Variants in SDCCAG8 observed in about 807,000 individuals in gnomAD.
SDCCAG8 encodes SHH signaling and ciliogenesis regulator SDCCAG8.
SDCCAG8 carries 74 observed loss-of-function variants against 101.8 expected under a neutral mutation model. That is an observed-to-expected ratio of 0.73 (90% CI 0.60 to 0.88). The LOEUF (loss-of-function observed/expected upper bound fraction) is 0.88, where lower values mean the gene tolerates loss of function less well. Among genes scored for constraint, SDCCAG8 ranks in the 40% least tolerant of loss-of-function variants. The probability of loss-of-function intolerance (pLI) is 0.00; values close to 1 mark genes in which losing one functional copy is unlikely to be tolerated. For synonymous variants in SDCCAG8, 281 were observed against 292.9 expected (o/e 0.96, Z 0.41); for missense variants, 787 against 822.6 (o/e 0.96, Z 0.53).
intron 16 of SDCCAG8, among the ~76,000 whole-genome samples, chr1:243,444,391 G>T (rs575170963): frequency 6.6e-6 from 1 of 150,564 alleles, no homozygotes; most frequent in South Asian, 2.1e-4. Flanking sequence ...TTTTTTTTTG[G>T]GATGGAGTCT....
intron 16 of SDCCAG8, among the ~76,000 whole-genome samples, chr1:243,456,544 T>G (rs927356862): frequency 1.3e-5 from 2 of 152,214 alleles, no homozygotes; most frequent in Admixed American, 1.3e-4. Flanking sequence ...AGTGAGCTAT[T>G]AGCTGTGCCT....
chr1:243,366,943 A>C (rs2077022517), intron 12 of SDCCAG8, among the ~76,000 whole-genome samples: 1 of 152,112 alleles, frequency 6.6e-6, no homozygotes, highest in Non-Finnish European at 1.5e-5. Context: ...GTATGTGCTC[A>C]AAAATATTTA....
intron 12 of SDCCAG8, among the ~76,000 whole-genome samples, chr1:243,368,238 A>T (rs1202712310): frequency 6.6e-6 from 1 of 151,934 alleles, no homozygotes; most frequent in Non-Finnish European, 1.5e-5. Flanking sequence ...GAAGAAGAGA[A>T]AAGAAAAGAA....
chr1:243,475,767 G>A (rs1199052665), intron 16 of SDCCAG8, among the ~76,000 whole-genome samples: 4 of 152,208 alleles, frequency 2.6e-5, no homozygotes, highest in Non-Finnish European at 5.9e-5. Context: ...GGCTCAAGGT[G>A]CTTTTTGGGC....
chr1:243,338,295 T>G (rs2075149714), intron 10 of SDCCAG8, among the ~76,000 whole-genome samples: 1 of 152,210 alleles, frequency 6.6e-6, no homozygotes, highest in African/African-American at 2.4e-5. Context: ...AATCATAACA[T>G]TGTAAGTGCT....
chr1:243,377,012 C>T (rs148820017), intron 12 of SDCCAG8, among the ~76,000 whole-genome samples: 210 of 152,280 alleles, frequency 1.4e-3, no homozygotes, highest in Non-Finnish European at 2.4e-3. Flanking sequence ...CTTGCTCATG[C>T]TAATATATCC....
rs531316663 is a variant in SDCCAG8 at position 243,307,908 on chromosome 1, T to G, written c.741-81T>G. 5.9e-5 allele frequency: 95 copies of G among 1,597,366 alleles called. No homozygotes were observed. In the South Asian group the frequency reaches 1.0e-3, roughly 17 times the overall value. ...GGTGAGTACCCATAAACGATAGTAG[T>G]AGTTAACATTATGATGATTCATTTT... is the stretch of plus-strand genomic sequence containing the variant. On this transcript the variant is annotated intron_variant, in intron 7 of 17. Coordinates refer to ENST00000366541, the MANE Select transcript of SDCCAG8 (RefSeq NM_006642.5).
At chr1:243,435,997 G>T (rs2082104320) in intron 16 of SDCCAG8, among the ~76,000 whole-genome samples, 1 of 151,910 alleles carries the variant, frequency 6.6e-6, no homozygotes, top group Non-Finnish European at 1.5e-5. Context: ...CCACCAGAGT[G>T]GTATAATTGT....
rs368911795 is a variant in SDCCAG8, at chr1:243,371,491, T to C, written c.1474-7230T>C. 1.8e-4 allele frequency among the ~76,000 whole-genome samples: 27 copies of C among 152,254 alleles called. No homozygotes were observed. In the East Asian group the frequency reaches 2.5e-3, roughly 14 times the overall value. ...TTTAAAATATAAAATGCTAAGACAG[T>C]GCTTGGTACATGGTAAGCACTCAAA... On this transcript the variant is annotated intron_variant, in intron 12 of 17. Transcript: ENST00000366541.
rs940035704 is a variant in SDCCAG8, at chr1:243,418,146, A to G, written c.1853+70A>G. Reference sequence around the variant, plus strand: ...TTACTCTAATTTTTCCTTAAAAAACATCATTTGCACTGTTTTATAGTCTAA... The same window carrying G: ...TTACTCTAATTTTTCCTTAAAAAACGTCATTTGCACTGTTTTATAGTCTAA... On this transcript the variant is annotated intron_variant, in intron 15 of 17. Coordinates refer to ENST00000366541, the MANE Select transcript of SDCCAG8 (RefSeq NM_006642.5). 4.6e-6 allele frequency: 5 copies of G among 1,079,174 alleles called. No homozygotes were observed. In the Admixed American group the frequency reaches 6.9e-5, roughly 15 times the overall value. The allele number at this position is 1,079,174 out of a possible 1,614,324, so 66.8% of individuals were successfully genotyped here. A position where few individuals can be genotyped will look rare whatever the true frequency, so the allele number is the denominator to read the frequency against.
At chr1:243,260,302 G>T (rs1314268218) in intron 1 of SDCCAG8, among the ~76,000 whole-genome samples, 1 of 152,206 alleles carries the variant, frequency 6.6e-6, no homozygotes, top group Non-Finnish European at 1.5e-5. Context: ...GAAGTGATTT[G>T]GGAGGTCTCT....
At chr1:243,402,567 G>A (rs1357890813) in intron 13 of SDCCAG8, among the ~76,000 whole-genome samples, 2 of 151,900 alleles carry the variant, frequency 1.3e-5, no homozygotes, top group Non-Finnish European at 2.9e-5. Context: ...ACACCCCTTT[G>A]TGTATTTTGC....
intron 13 of SDCCAG8, among the ~76,000 whole-genome samples, chr1:243,407,469 C>T (rs548108592): frequency 6.6e-6 from 1 of 152,170 alleles, no homozygotes; most frequent in East Asian, 1.9e-4. Flanking sequence ...AAGGGTGATG[C>T]GCTAGTAACT....
intron 13 of SDCCAG8, among the ~76,000 whole-genome samples, chr1:243,394,630 T>A (rs2078925199): frequency 6.6e-6 from 1 of 152,216 alleles, no homozygotes; most frequent in Admixed American, 6.5e-5. Context: ...AAAACAGAAC[T>A]GCAAGTCTCA....
At chr1:243,332,667 G>T (rs1401416781) in intron 10 of SDCCAG8, among the ~76,000 whole-genome samples, 1 of 151,952 alleles carries the variant, frequency 6.6e-6, no homozygotes. Flanking sequence ...TCCCGGTCTG[G>T]AGGTGATTAT....
At chr1:243,464,167 A>AT (rs1367013299) in intron 16 of SDCCAG8, among the ~76,000 whole-genome samples, 1 of 152,176 alleles carries the variant, frequency 6.6e-6, no homozygotes, top group African/African-American at 2.4e-5. Context: ...AGTTTGAAGC[A>AT]TGTGGTGGCA....
chr1:243,275,856 GTTTTTTTTT>G (rs11344816), intron 4 of SDCCAG8, among the ~76,000 whole-genome samples: 3 of 59,158 alleles, frequency 5.1e-5, no homozygotes, highest in East Asian at 4.8e-4. Context: ...TTGAACCAAT[GTTTTTTTTT>G]TTTTTTTTTT....
chr1:243,261,858 C>CT lies in SDCCAG8; in HGVS notation c.67+5634dup, dbSNP rs371602212. Reference sequence around the variant, plus strand: ...ATATATTCATGTGGCTTTTCTTTTTCTTTTTTTTTTTTTTTTAATCTCAGC... The same window carrying CT: ...ATATATTCATGTGGCTTTTCTTTTTCTTTTTTTTTTTTTTTTTAATCTCAGC... On this transcript the variant is annotated intron_variant, in intron 1 of 17. Transcript: ENST00000366541. 6.8e-3 allele frequency among the ~76,000 whole-genome samples: 929 copies of CT among 136,360 alleles called. 5 individuals carry two copies. Among genetic ancestry groups the CT allele is most frequent in the East Asian group, 0.051 (235 of 4,638 alleles). The allele number at this position is 136,360 out of a possible 152,430, so 89.5% of individuals were successfully genotyped here.
intron 16 of SDCCAG8, among the ~76,000 whole-genome samples, chr1:243,471,114 C>A (rs1423721884): frequency 3.6e-4 from 54 of 152,034 alleles, no homozygotes; most frequent in Non-Finnish European, 1.5e-5. Flanking sequence ...GCTGCTAGAT[C>A]TACAGGCTTC....
Sources: gnomAD v4.1 joint callset for allele counts (sites outside exome capture counted in the v4.1 genomes callset) on GRCh38, gnomAD v4.1.1 for gene constraint, MANE v1.5 for transcripts, NCBI Gene and HGNC (gene_info 2026-07-23, HGNC 2026-07-21) for gene names.